The following CTNNA3 variants were observed in gnomAD, a reference collection of about 807,000 sequenced individuals.
CTNNA3 encodes catenin alpha-3.
A neutral mutation model predicts 95.7 loss-of-function variants in CTNNA3; 76 were observed. The ratio of observed to expected loss-of-function variants is 0.79; its 90% CI spans 0.66 to 0.96. The LOEUF (loss-of-function observed/expected upper bound fraction) is 0.96. CTNNA3 is among the 40% of genes least tolerant of loss of function. The pLI is 0.00. For synonymous variants in CTNNA3, 431 were observed against 374.4 expected (o/e 1.15, Z -1.74); for missense variants, 1,191 against 1,089.8 (o/e 1.09, Z -1.31).
intron 15 of CTNNA3, among the ~76,000 whole-genome samples, chr10:66,025,922 A>G (rs1287032150): frequency 1.3e-5 from 2 of 152,220 alleles, no homozygotes; most frequent in East Asian, 3.8e-4. Context: ...CATATGCTGT[A>G]CAGTATGAAC....
intron 9 of CTNNA3, among the ~76,000 whole-genome samples, chr10:66,738,245 T>G (rs1287456918): frequency 4.6e-5 from 7 of 152,238 alleles, no homozygotes; most frequent in Non-Finnish European, 1.0e-4. Context: ...CCTTGATATC[T>G]ATTATGTTTT....
chr10:67,608,104 T>C (rs1344750246), intron 2 of CTNNA3, among the ~76,000 whole-genome samples: 1 of 152,138 alleles, frequency 6.6e-6, no homozygotes, highest in African/African-American at 2.4e-5. Context: ...GAGACCTGTT[T>C]GAGAGGCCAA....
intron 7 of CTNNA3, among the ~76,000 whole-genome samples, chr10:67,156,505 T>C (rs1014940991): frequency 6.6e-6 from 1 of 152,238 alleles, no homozygotes; most frequent in Middle Eastern, 3.4e-3. Context: ...CAAAATATTT[T>C]CAATTGCTTT....
intron 7 of CTNNA3, among the ~76,000 whole-genome samples, chr10:66,929,023 C>T (rs1847227259): frequency 6.6e-6 from 1 of 152,102 alleles, no homozygotes; most frequent in Non-Finnish European, 1.5e-5. Flanking sequence ...AAAGCAGCAC[C>T]CTGAGCAGTT....
chr10:66,649,220 G>C (rs1397673358), intron 9 of CTNNA3, among the ~76,000 whole-genome samples: 1 of 152,004 alleles, frequency 6.6e-6, no homozygotes, highest in Non-Finnish European at 1.5e-5. Context: ...TAGATGGGAG[G>C]TAAAATAAAA....
intron 11 of CTNNA3, among the ~76,000 whole-genome samples, chr10:66,442,109 T>C (rs1441451411): frequency 1.3e-5 from 2 of 152,200 alleles, no homozygotes; most frequent in Non-Finnish European, 2.9e-5. Flanking sequence ...CGTACAGACA[T>C]TTTTCTTGTA....
intron 11 of CTNNA3, among the ~76,000 whole-genome samples, chr10:66,489,789 A>C (rs1839861086): frequency 6.6e-6 from 1 of 152,170 alleles, no homozygotes; most frequent in Non-Finnish European, 1.5e-5. Context: ...ATTCTTTGTT[A>C]ATGACTGGCA....
chr10:67,477,338 C>A (rs1848053830), intron 5 of CTNNA3, among the ~76,000 whole-genome samples: 1 of 151,934 alleles, frequency 6.6e-6, no homozygotes, highest in Admixed American at 6.5e-5. Flanking sequence ...CCCCACCCAT[C>A]TTGCTCCCAC....
At chr10:67,570,854 A>T (rs1472416237) in intron 3 of CTNNA3, among the ~76,000 whole-genome samples, 2 of 152,096 alleles carry the variant, frequency 1.3e-5, no homozygotes, top group African/African-American at 4.8e-5. Context: ...CATCATTTTC[A>T]TACTGGCCAT....
At chr10:66,075,287 A>G (rs2080528724) in intron 14 of CTNNA3, among the ~76,000 whole-genome samples, 1 of 151,872 alleles carries the variant, frequency 6.6e-6, no homozygotes, top group African/African-American at 2.4e-5. Flanking sequence ...GAAAAAAGTG[A>G]CATAATAGGA....
intron 10 of CTNNA3, among the ~76,000 whole-genome samples, chr10:66,620,227 A>G (rs1844697224): frequency 6.6e-6 from 1 of 152,152 alleles, no homozygotes; most frequent in Non-Finnish European, 1.5e-5. Flanking sequence ...TAATTAAAAG[A>G]TAAATCATAT....
At chr10:67,669,962 C>T (rs1400747488) in intron 1 of CTNNA3, among the ~76,000 whole-genome samples, 4 of 152,148 alleles carry the variant, frequency 2.6e-5, no homozygotes, top group African/African-American at 9.7e-5. Context: ...GAGCTTCTTC[C>T]AAAGTTGCAA....
At chr10:65,938,971 C>G (rs1361449926) in intron 17 of CTNNA3, among the ~76,000 whole-genome samples, 2 of 151,718 alleles carry the variant, frequency 1.3e-5, no homozygotes, top group Non-Finnish European at 2.9e-5. Flanking sequence ...GGCGCGATCT[C>G]GGCTCACTGC....
chr10:66,390,998 C>A (rs1015938813), intron 11 of CTNNA3, among the ~76,000 whole-genome samples: 1 of 152,092 alleles, frequency 6.6e-6, no homozygotes, highest in Non-Finnish European at 1.5e-5. Context: ...AAAGGATTCA[C>A]AATCTAGTAA....
intron 13 of CTNNA3, among the ~76,000 whole-genome samples, chr10:66,217,248 G>T (rs1323808222): frequency 6.6e-6 from 1 of 151,764 alleles, no homozygotes; most frequent in Non-Finnish European, 1.5e-5. Flanking sequence ...CAGCTACTTG[G>T]GAGGCTGAGG....
At chr10:67,103,812 A>G (rs1858478356) in intron 7 of CTNNA3, among the ~76,000 whole-genome samples, 1 of 151,740 alleles carries the variant, frequency 6.6e-6, no homozygotes, top group Non-Finnish European at 1.5e-5. Context: ...AACACAGCAG[A>G]AAAAGAATTT....
intron 3 of CTNNA3, among the ~76,000 whole-genome samples, chr10:67,550,662 G>T (rs1358478238): frequency 6.7e-6 from 1 of 149,550 alleles, no homozygotes; most frequent in East Asian, 2.0e-4. Context: ...AAAGAATAAA[G>T]AAATTTCTTT....
intron 7 of CTNNA3, among the ~76,000 whole-genome samples, chr10:66,818,094 CA>C (rs5785790): frequency 0.58 from 83,322 of 143,928 alleles, 23,520 homozygotes; most frequent in Admixed American, 0.62. Flanking sequence ...TATTATTAAC[CA>C]AAAAAAAAAA....
chr10:67,044,158 A>G (rs1290394397), intron 7 of CTNNA3, among the ~76,000 whole-genome samples: 1 of 152,002 alleles, frequency 6.6e-6, no homozygotes, highest in Non-Finnish European at 1.5e-5. Context: ...CATGTACCCC[A>G]TGGCTAGCTC....
Sources: allele counts gnomAD v4.1 joint callset (sites outside exome capture counted in the v4.1 genomes callset), GRCh38; gene constraint gnomAD v4.1.1; transcripts MANE v1.5; gene names NCBI Gene and HGNC (gene_info 2026-07-23, HGNC 2026-07-21).